SMAD3: variants seen among roughly 807,000 people sequenced by gnomAD.
SMAD3 encodes SMAD family member 3.
A neutral mutation model predicts 51.8 loss-of-function variants in SMAD3; 12 were observed. The observed-to-expected ratio is 0.23, with a 90% CI of 0.15 to 0.38. The LOEUF (loss-of-function observed/expected upper bound fraction) is 0.38, where lower values mean the gene tolerates loss of function less well. Ranked by LOEUF, SMAD3 falls within the 10% of genes least tolerant of loss-of-function variation. The pLI, the probability that SMAD3 is intolerant of heterozygous loss-of-function variation, is 1.00. For synonymous variants in SMAD3, 238 were observed against 227.7 expected (o/e 1.05, Z -0.41); for missense variants, 294 against 565.6 (o/e 0.52, Z 4.87).
chr15:67,183,486 C>T (rs947922207), intron 6 of SMAD3, among the ~76,000 whole-genome samples: 1 of 152,084 alleles, frequency 6.6e-6, no homozygotes, highest in Admixed American at 6.5e-5. Context: ...GCCACCAGCA[C>T]CCTGCAGAAC....
intron 1 of SMAD3, among the ~76,000 whole-genome samples, chr15:67,077,814 C>T (rs978385031): frequency 1.3e-5 from 2 of 152,088 alleles, no homozygotes; most frequent in African/African-American, 2.4e-5. Flanking sequence ...TTAGGGTGGC[C>T]AGAGTGTGGA....
chr15:67,079,573 A>G (rs1187668002), intron 1 of SMAD3, among the ~76,000 whole-genome samples: 1 of 152,128 alleles, frequency 6.6e-6, no homozygotes, highest in Non-Finnish European at 1.5e-5. Context: ...GCCCACTCAC[A>G]TGGGGTGATC....
At chr15:67,134,961 G>A (rs1008529327) in intron 1 of SMAD3, among the ~76,000 whole-genome samples, 2 of 152,188 alleles carry the variant, frequency 1.3e-5, no homozygotes, top group Non-Finnish European at 2.9e-5. Flanking sequence ...TGGAACCGAA[G>A]CTGGCTGCCC....
At chr15:67,119,951 C>G (rs1177851950) in intron 1 of SMAD3, among the ~76,000 whole-genome samples, 2 of 152,192 alleles carry the variant, frequency 1.3e-5, no homozygotes, top group Non-Finnish European at 2.9e-5. Context: ...CACACGCTAC[C>G]ACGCCTGGCT....
intron 1 of SMAD3, among the ~76,000 whole-genome samples, chr15:67,105,836 G>C (rs1399210144): frequency 6.6e-6 from 1 of 152,182 alleles, no homozygotes; most frequent in African/African-American, 2.4e-5. Context: ...CATCTGTGCT[G>C]TGCTGCCTCT....
intron 1 of SMAD3, among the ~76,000 whole-genome samples, chr15:67,122,691 G>GT (rs1022170732): frequency 2.0e-5 from 3 of 152,076 alleles, no homozygotes; most frequent in Admixed American, 6.5e-5. Flanking sequence ...ACAAGGATAG[G>GT]TTTTTTTCAC....
At chr15:67,147,376 G>T (rs544473459) in intron 1 of SMAD3, among the ~76,000 whole-genome samples, 16 of 152,248 alleles carry the variant, frequency 1.1e-4, no homozygotes, top group African/African-American at 3.9e-4. Context: ...TGTGGTGTTA[G>T]CTTCTTTGTT....
At chr15:67,177,733 GT>G (rs71142359) in intron 5 of SMAD3, among the ~76,000 whole-genome samples, 67,620 of 148,770 alleles carry the variant, frequency 0.45, 15,332 homozygotes, top group East Asian at 0.61. Context: ...CTGTTTTTTT[GT>G]TTTTTTTTTT....
rs1963353670 is a variant in SMAD3 at position 67,191,122 on chromosome 15, C to T, written c.*586C>T. 5.9e-6 allele frequency: 1 copy of T among 168,188 alleles called. No individual in the cohort carries two copies. Among genetic ancestry groups the T allele is most frequent in the Admixed American group, 7.3e-5 (1 of 13,790 alleles). 10.4% of individuals were successfully genotyped at this position (168,188 alleles called of 1,614,324 possible). A position where few individuals can be genotyped will look rare whatever the true frequency, so the allele number is the denominator to read the frequency against. ...GGGATGGGGAGGGAGGGAGTTTTGT[C>T]TGTCTCCCTCCCCTCTCAGAACATA... On this transcript the variant is annotated 3_prime_UTR_variant, in exon 9 of 9. Coordinates refer to ENST00000327367, the MANE Select transcript of SMAD3 (RefSeq NM_005902.4).
intron 1 of SMAD3, among the ~76,000 whole-genome samples, chr15:67,111,730 T>A (rs966349892): frequency 2.0e-5 from 3 of 152,240 alleles, no homozygotes; most frequent in African/African-American, 7.2e-5. Context: ...TTGATTTGCA[T>A]TTCCCTATTG....
intron 1 of SMAD3, among the ~76,000 whole-genome samples, chr15:67,131,030 C>T (rs1196927705): frequency 6.6e-6 from 1 of 152,166 alleles, no homozygotes; most frequent in African/African-American, 2.4e-5. Flanking sequence ...TCGGGGAATC[C>T]CCAAGGATTT....
Position 67,185,178 on chromosome 15 carries a change from C to T in SMAD3, c.1009+314C>T, listed in dbSNP as rs116235248. Among the ~76,000 whole-genome samples the T allele has an allele frequency of 6.9e-3, 1,048 of 152,334 alleles. 8 individuals are homozygous for T. The highest frequency in any genetic ancestry group is 0.023 in the African/African-American group (944 of 41,566). ...CATTGCACAAACAGCATGCAGGGCT[C>T]TGTGCCAGGTGCTGTAGGGGATGAA... On this transcript the variant is annotated intron_variant, in intron 7 of 8. Transcript: ENST00000327367.
intron 1 of SMAD3, among the ~76,000 whole-genome samples, chr15:67,121,844 T>A (rs927613651): frequency 2.6e-5 from 4 of 152,224 alleles, no homozygotes; most frequent in Admixed American, 1.3e-4. Context: ...GAACTTTGTG[T>A]CCCACCACTG....
At chr15:67,105,898 C>T (rs1459870950) in intron 1 of SMAD3, among the ~76,000 whole-genome samples, 3 of 152,172 alleles carry the variant, frequency 2.0e-5, no homozygotes, top group Non-Finnish European at 4.4e-5. Context: ...TGCATTCATT[C>T]CCCGGCCCTC....
At chr15:67,146,544 G>C (rs1293670730) in intron 1 of SMAD3, among the ~76,000 whole-genome samples, 1 of 152,166 alleles carries the variant, frequency 6.6e-6, no homozygotes, top group South Asian at 2.1e-4. Context: ...ACTTAGGAGA[G>C]GGAATGTGTG....
chr15:67,158,510 C>T (rs1397761106), intron 1 of SMAD3, among the ~76,000 whole-genome samples: 2 of 152,232 alleles, frequency 1.3e-5, no homozygotes, highest in Non-Finnish European at 2.9e-5. Flanking sequence ...GACTGGCGGT[C>T]GTGTGCTCAC....
intron 1 of SMAD3, among the ~76,000 whole-genome samples, chr15:67,161,764 T>C (rs1277801623): frequency 6.6e-6 from 1 of 152,116 alleles, no homozygotes; most frequent in African/African-American, 2.4e-5. Flanking sequence ...ATGAAGCACT[T>C]TCAAATGGAA....
At chr15:67,076,396 C>T (rs1287853388) in intron 1 of SMAD3, among the ~76,000 whole-genome samples, 1 of 152,212 alleles carries the variant, frequency 6.6e-6, no homozygotes, top group Non-Finnish European at 1.5e-5. Context: ...GCGCCTGTCA[C>T]TGATAGCTGC....
intron 1 of SMAD3, among the ~76,000 whole-genome samples, chr15:67,119,189 T>C (rs1378682585): frequency 1.3e-5 from 2 of 152,008 alleles, no homozygotes; most frequent in South Asian, 2.1e-4. Context: ...CACAGTGACA[T>C]TGAAGGTGAG....
Sources: gnomAD v4.1 joint callset for allele counts (sites outside exome capture counted in the v4.1 genomes callset) on GRCh38, gnomAD v4.1.1 for gene constraint, MANE v1.5 for transcripts, NCBI Gene and HGNC (gene_info 2026-07-23, HGNC 2026-07-21) for gene names.